Variants in LRRC72 observed in about 807,000 individuals in gnomAD.
LRRC72 encodes leucine-rich repeat-containing protein 72.
Under a neutral mutation model 35.8 loss-of-function variants are expected in LRRC72, and 41 were observed. That is an observed-to-expected ratio of 1.15 (90% CI 0.89 to 1.49). The LOEUF (loss-of-function observed/expected upper bound fraction) is 1.49. Ranked by LOEUF, LRRC72 falls within the 40% of genes most tolerant of loss-of-function variation. LRRC72 has a pLI of 0.00. For synonymous variants in LRRC72, 118 were observed against 119.2 expected (o/e 0.99, Z 0.07); for missense variants, 389 against 330.7 (o/e 1.18, Z -1.37).
chr7:16,527,688 T>A (rs1782094975), intron 1 of LRRC72, among the ~76,000 whole-genome samples: 1 of 152,148 alleles, frequency 6.6e-6, no homozygotes, highest in Non-Finnish European at 1.5e-5. Context: ...CTCTGACTCA[T>A]CTGCAAAGAT....
At chr7:16,540,255 T>G (rs1470032559) in intron 3 of LRRC72, among the ~76,000 whole-genome samples, 2 of 152,224 alleles carry the variant, frequency 1.3e-5, no homozygotes, top group Non-Finnish European at 2.9e-5. Context: ...TAAGATTTAC[T>G]GACTGACTGC....
intron 3 of LRRC72, among the ~76,000 whole-genome samples, chr7:16,540,415 G>C (rs1210388504): frequency 6.6e-6 from 1 of 152,198 alleles, no homozygotes; most frequent in African/African-American, 2.4e-5. Flanking sequence ...TTCATAGGTG[G>C]AAGGGACTAG....
chr7:16,540,680 T>G (rs565604528), intron 3 of LRRC72, among the ~76,000 whole-genome samples: 49 of 152,262 alleles, frequency 3.2e-4, no homozygotes, highest in Admixed American at 6.5e-4. Flanking sequence ...GTTTCCCTCA[T>G]GCTGTTCTCA....
intron 3 of LRRC72, among the ~76,000 whole-genome samples, chr7:16,551,313 T>C (rs1377524204): frequency 2.0e-5 from 3 of 152,164 alleles, no homozygotes; most frequent in African/African-American, 7.2e-5. Context: ...TGTGATGTTA[T>C]GAAATATATG....
chr7:16,579,150 A>G (rs1306661634), intron 7 of LRRC72, among the ~76,000 whole-genome samples: 1 of 152,238 alleles, frequency 6.6e-6, no homozygotes, highest in Non-Finnish European at 1.5e-5. Context: ...TGTCTGGCTG[A>G]TGAATATGTT....
intron 7 of LRRC72, among the ~76,000 whole-genome samples, chr7:16,579,388 C>T (rs533075545): frequency 7.4e-4 from 113 of 152,240 alleles, no homozygotes; most frequent in Non-Finnish European, 1.3e-3. Context: ...GCTTTGTGGT[C>T]GCTGCTGCTT....
intron 7 of LRRC72, among the ~76,000 whole-genome samples, chr7:16,578,049 A>G (rs1783073986): frequency 6.6e-6 from 1 of 152,222 alleles, no homozygotes; most frequent in African/African-American, 2.4e-5. Context: ...GCACATATGG[A>G]CAAAGAAAAA....
At chr7:16,570,670 A>C (rs1237759273) in intron 7 of LRRC72, among the ~76,000 whole-genome samples, 3 of 152,110 alleles carry the variant, frequency 2.0e-5, no homozygotes, top group Admixed American at 2.0e-4. Context: ...AAATACAAAA[A>C]TTAGCTGGGT....
rs962722052 is a variant in LRRC72, at chr7:16,566,355, T to C, written c.470T>C (p.Leu157Ser). The change falls in exon 6 of 9, where the codon TTA becomes TCA. Residue 157 changes from leucine to serine, a missense_variant. Leu to Ser is a moderately radical substitution (Grantham distance 145, BLOSUM62 -2). Coordinates refer to ENST00000401542, the MANE Select transcript of LRRC72 (RefSeq NM_001195280.2). ...NPLCQYNLYRLYIIYHLPGVE... is the reference protein window; with the variant it reads ...NPLCQYNLYRSYIIYHLPGVE... The stretch of plus-strand genomic sequence containing the variant: ...TTGTGCCAATATAACCTGTATCGTT[T>C]ATATATCATCTACCACCTTCCAGGA... 7 of 1,547,540 alleles carry C rather than the reference T, an allele frequency of 4.5e-6. No homozygotes were observed. In the Admixed American group the frequency reaches 1.4e-4, roughly 31 times the overall value.
intron 3 of LRRC72, among the ~76,000 whole-genome samples, chr7:16,552,370 A>T (rs1469163036): frequency 6.7e-6 from 1 of 148,868 alleles, no homozygotes; most frequent in East Asian, 2.0e-4. Context: ...TGGAACACGC[A>T]GAAATGGGAC....
intron 3 of LRRC72, among the ~76,000 whole-genome samples, chr7:16,554,434 A>C (rs548000209): frequency 6.6e-6 from 1 of 152,314 alleles, no homozygotes; most frequent in South Asian, 2.1e-4. Flanking sequence ...GCTATCTTGC[A>C]ATGTCTATTG....
In LRRC72 at chr7:16,526,959, TG is replaced by T; in HGVS notation, c.10del (p.Asp4ThrfsTer33). The T allele has an allele frequency of 6.5e-7, 1 of 1,539,768 alleles. No homozygotes were observed. On this transcript the variant is annotated frameshift_variant, in exon 1 of 9. Transcript: ENST00000401542. LOFTEE classifies it high-confidence loss of function. ...CGGCCGCCCATGTGTCCTGATGTCC[TG>T]GGACCCGAACCCCGTGCCCCGTACC... MS[W>X]DPNPVPRTLR...
chr7:16,564,311 C>T (rs904899642), intron 5 of LRRC72, among the ~76,000 whole-genome samples: 1 of 152,070 alleles, frequency 6.6e-6, no homozygotes. Context: ...TTGTGTTTTG[C>T]TTTTATATCC....
chr7:16,549,234 T>A (rs556874084), intron 3 of LRRC72, among the ~76,000 whole-genome samples: 1 of 152,368 alleles, frequency 6.6e-6, no homozygotes, highest in Admixed American at 6.5e-5. Flanking sequence ...TTATTGGACA[T>A]CATGGCTAAG....
chr7:16,578,969 G>A (rs181621805), intron 7 of LRRC72, among the ~76,000 whole-genome samples: 10 of 152,286 alleles, frequency 6.6e-5, no homozygotes, highest in African/African-American at 2.4e-4. Context: ...TGGGGAAGGG[G>A]AAATGGGGAG....
chr7:16,558,799 T>G, intron 4 of LRRC72, 90 bp from the exon 5 acceptor site: 1 of 641,834 alleles, frequency 1.6e-6, no homozygotes, highest in African/African-American at 1.9e-5. Flanking sequence ...GCATGTTAAT[T>G]AGCATTAAAA....
intron 3 of LRRC72, among the ~76,000 whole-genome samples, chr7:16,546,767 G>C (rs12672107): frequency 0.092 from 14,046 of 152,026 alleles, 744 homozygotes; most frequent in East Asian, 0.19. Context: ...CCCCAGTGCT[G>C]TTCCTACAAA....
At chr7:16,531,305 C>T (rs1037668974) in intron 1 of LRRC72, among the ~76,000 whole-genome samples, 3 of 152,094 alleles carry the variant, frequency 2.0e-5, no homozygotes, top group Admixed American at 6.5e-5. Context: ...AACAAAGCAC[C>T]CTGATGGCAA....
intron 7 of LRRC72, among the ~76,000 whole-genome samples, chr7:16,578,646 CAT>C (rs1450702975): frequency 2.0e-5 from 3 of 152,118 alleles, no homozygotes; most frequent in Non-Finnish European, 2.9e-5. Context: ...AGGCTGGAAA[CAT>C]ACATACAAAA....
Sources: gnomAD v4.1 joint callset for allele counts (sites outside exome capture counted in the v4.1 genomes callset) on GRCh38, gnomAD v4.1.1 for gene constraint, MANE v1.5 for transcripts, NCBI Gene and HGNC (gene_info 2026-07-23, HGNC 2026-07-21) for gene names.